ZFYVE28: variants seen among roughly 807,000 people sequenced by gnomAD.
The protein encoded by ZFYVE28 is lateral signaling target protein 2 homolog.
In ZFYVE28, 40 loss-of-function variants were observed where a neutral mutation model predicts 82.1. The ratio of observed to expected loss-of-function variants is 0.49; its 90% CI spans 0.38 to 0.63. The LOEUF is 0.63. Ranked by LOEUF, ZFYVE28 falls within the 30% of genes least tolerant of loss-of-function variation. The pLI is 0.00. For missense variants in ZFYVE28, 1,321 were observed against 1,242.1 expected, an observed-to-expected ratio of 1.06 and a Z score of -0.96; for synonymous variants, 612 against 546.1, an observed-to-expected ratio of 1.12 and a Z score of -1.68.
intron 4 of ZFYVE28, among the ~76,000 whole-genome samples, chr4:2,338,497 G>A (rs1309290373): frequency 1.3e-5 from 2 of 152,182 alleles, no homozygotes; most frequent in African/African-American, 4.8e-5. Flanking sequence ...GGAGGCCGAG[G>A]CAGGAGAATG....
At position 2,418,077 on chromosome 4, in the gene ZFYVE28, G is replaced by A. The variant is rs114900042; in HGVS notation, c.39+208C>T. On this transcript the variant is annotated intron_variant, in intron 1 of 12. Coordinates refer to ENST00000290974, the MANE Select transcript of ZFYVE28 (RefSeq NM_020972.3). This position sits in a 1 kb window ranked among gnomAD's most constrained non-coding sequence, Gnocchi z 4.6. ...GGGTCAGTCCTGGACCCGGGCTTAGGAAGCCGGGAGGGAGGTTCGGATCCG... is the reference window on the plus strand; with the variant it reads ...GGGTCAGTCCTGGACCCGGGCTTAGAAAGCCGGGAGGGAGGTTCGGATCCG... 1.1e-3 allele frequency among the ~76,000 whole-genome samples: 165 copies of A among 152,188 alleles called. 1 individual carries two copies. Among genetic ancestry groups the A allele is most frequent in the Admixed American group, 2.9e-3 (45 of 15,298 alleles).
rs372218217 is a variant in ZFYVE28 at position 2,304,670 on chromosome 4, G to A, written c.1670C>T (p.Thr557Ile). The A allele has an allele frequency of 6.2e-7, 1 of 1,612,628 alleles. No individual in the cohort carries two copies. Among genetic ancestry groups the A allele is most frequent in the Non-Finnish European group, 8.5e-7 (1 of 1,179,890 alleles). The change falls in exon 8 of 13, where the codon ACC becomes ATC. Residue 557 changes from threonine (T) to isoleucine (I), a missense_variant. This residue lies in a region of ZFYVE28 where 978 missense variants were observed against 833.7 expected (regional missense o/e 1.17). Transcript: ENST00000290974. ...GGPHKLSTGA[T>I]NCLLHSCVCC... ...CACGCAGGAATGCAGAAGGCAGTTG[G>A]TGGCCCCAGTGCTAAGCTTGTGGGG...
chr4:2,270,191 TGGTGAGG>T lies in ZFYVE28; in HGVS notation c.*527_*533del, dbSNP rs564237497. 62 of 158,634 alleles carry T rather than the reference TGGTGAGG, an allele frequency of 3.9e-4. No individual in the cohort carries two copies. The South Asian group carries it at 0.011, about 27-fold the overall frequency. The allele number at this position is 158,634 out of a possible 1,614,324, so 9.8% of individuals were successfully genotyped here. On this transcript the variant is annotated 3_prime_UTR_variant, in exon 13 of 13. Coordinates refer to ENST00000290974, the MANE Select transcript of ZFYVE28 (RefSeq NM_020972.3). Reference sequence around the variant, plus strand: ...TGTTTAGCCAAGTCCTGAGGAAGGATGGTGAGGGGTGAGGGGTGAGGGCTGGGGAACG... The same window carrying T: ...TGTTTAGCCAAGTCCTGAGGAAGGATGGTGAGGGGTGAGGGCTGGGGAACG...
At chr4:2,359,343 C>A (rs1191942967) in intron 1 of ZFYVE28, among the ~76,000 whole-genome samples, 2 of 152,096 alleles carry the variant, frequency 1.3e-5, no homozygotes, top group Non-Finnish European at 2.9e-5. Flanking sequence ...CCGGGCTGGT[C>A]TGGAACTCCT....
At chr4:2,296,704 G>T (rs1002620307) in intron 8 of ZFYVE28, among the ~76,000 whole-genome samples, 3 of 152,154 alleles carry the variant, frequency 2.0e-5, no homozygotes, top group African/African-American at 7.2e-5. Context: ...GAGCCTCCCA[G>T]TGAGGGGGAG....
chr4:2,283,900 AC>A (rs1228197273), intron 8 of ZFYVE28, among the ~76,000 whole-genome samples: 5 of 151,914 alleles, frequency 3.3e-5, no homozygotes, highest in Admixed American at 6.6e-5. Context: ...ACTGTAGGGA[AC>A]CCCCTGGTGA....
chr4:2,375,357 C>T (rs992921962), intron 1 of ZFYVE28, among the ~76,000 whole-genome samples: 2 of 152,172 alleles, frequency 1.3e-5, no homozygotes, highest in Non-Finnish European at 2.9e-5. Context: ...GGTCAATCAG[C>T]CGGGCCAGCA....
chr4:2,276,740 C>T (rs548957469), intron 8 of ZFYVE28, among the ~76,000 whole-genome samples: 1 of 151,792 alleles, frequency 6.6e-6, no homozygotes, highest in Admixed American at 6.6e-5. Context: ...GTCTCCGACA[C>T]GAGGTCCTGA....
chr4:2,364,806 G>A (rs528998382), intron 1 of ZFYVE28: 1 of 985,584 alleles, frequency 1.0e-6, no homozygotes, highest in African/African-American at 1.7e-5. Context: ...GCGGGTGACT[G>A]GGAATGGCGG....
In ZFYVE28 at chr4:2,270,474, A is replaced by AGGC. The variant is rs1448333497; in HGVS notation, c.*248_*250dup. 1 of 549,906 alleles carries AGGC rather than the reference A, an allele frequency of 1.8e-6. No individual in the cohort carries two copies. Among genetic ancestry groups the AGGC allele is most frequent in the Non-Finnish European group, 3.2e-6 (1 of 308,008 alleles). 34.1% of individuals were successfully genotyped at this position (549,906 alleles called of 1,614,324 possible). The stretch of plus-strand genomic sequence containing the variant: ...CTTCTCCGCCAGGCACCCTGCCCTG[A>AGGC]GGCAGCCACCAGGCTCCTCCGGGTC... On this transcript the variant is annotated 3_prime_UTR_variant, in exon 13 of 13. Coordinates refer to ENST00000290974, the MANE Select transcript of ZFYVE28 (RefSeq NM_020972.3).
At chr4:2,340,267 TC>T (rs776358430) in intron 3 of ZFYVE28, among the ~76,000 whole-genome samples, 2 of 152,152 alleles carry the variant, frequency 1.3e-5, no homozygotes, top group Non-Finnish European at 2.9e-5. Flanking sequence ...TAAGGAGGGC[TC>T]CTCCGCACCC....
intron 8 of ZFYVE28, among the ~76,000 whole-genome samples, chr4:2,298,732 C>A (rs1040792589): frequency 1.8e-4 from 27 of 152,208 alleles, no homozygotes; most frequent in African/African-American, 6.5e-4. Context: ...TGGCCTTGCC[C>A]CCGTGGGACG....
intron 1 of ZFYVE28, among the ~76,000 whole-genome samples, chr4:2,412,243 C>A (rs1732599499): frequency 1.3e-5 from 2 of 152,160 alleles, no homozygotes; most frequent in Admixed American, 6.5e-5. Flanking sequence ...GCTGGAGGAA[C>A]TGGAAGCTGT....
intron 1 of ZFYVE28, among the ~76,000 whole-genome samples, chr4:2,391,118 G>A (rs1371941413): frequency 2.0e-5 from 3 of 152,202 alleles, no homozygotes; most frequent in Non-Finnish European, 4.4e-5. Flanking sequence ...GACCGACAAG[G>A]GGCCGTGCCC....
rs188697053 is a variant in ZFYVE28 at position 2,352,312 on chromosome 4, G to A, written c.180+1621C>T. Among the ~76,000 whole-genome samples the A allele has an allele frequency of 2.7e-3, 408 of 152,052 alleles. 4 individuals carry two copies. The highest frequency in any genetic ancestry group is 6.4e-3 in the Admixed American group (98 of 15,288). On this transcript the variant is annotated intron_variant, in intron 2 of 12. Transcript: ENST00000290974. ...GGTGCTCAGCACAGACATGGAGCAG[G>A]ATGAGGCCGCCATGTCGGGGGGTGG... is the stretch of plus-strand genomic sequence containing the variant.
At chr4:2,317,283 C>T (rs1324013178) in intron 7 of ZFYVE28, among the ~76,000 whole-genome samples, 3 of 152,110 alleles carry the variant, frequency 2.0e-5, no homozygotes, top group Admixed American at 1.3e-4. Flanking sequence ...CCACTGTGCC[C>T]GGCCAACATT....
chr4:2,337,973 C>T (rs1012133884), intron 4 of ZFYVE28, among the ~76,000 whole-genome samples: 4 of 152,230 alleles, frequency 2.6e-5, no homozygotes, highest in African/African-American at 9.6e-5. Context: ...CTTGAAACCC[C>T]AGCCCTGCCC....
intron 6 of ZFYVE28, among the ~76,000 whole-genome samples, chr4:2,326,670 T>A (rs763652708): frequency 1.3e-5 from 2 of 152,248 alleles, no homozygotes; most frequent in African/African-American, 2.4e-5. Context: ...TTCCAATCCA[T>A]GAACATGGAA....
In ZFYVE28 at chr4:2,341,683, GA is replaced by G; in HGVS notation, c.181-69del. The stretch of plus-strand genomic sequence containing the variant: ...AGCTGGCGGCCGCCATGTACTGCTG[GA>G]AAACACGCACGGTGCATGTGACTGT... On this transcript the variant is annotated intron_variant, in intron 2 of 12. Coordinates refer to ENST00000290974, the MANE Select transcript of ZFYVE28 (RefSeq NM_020972.3). This position sits in a 1 kb window ranked among gnomAD's most constrained non-coding sequence, Gnocchi z 4.5. 2 of 1,570,652 alleles carry G rather than the reference GA, an allele frequency of 1.3e-6. No individual in the cohort carries two copies. The highest frequency in any genetic ancestry group is 1.7e-6 in the Non-Finnish European group (2 of 1,150,632).
Sources: allele counts gnomAD v4.1 joint callset (sites outside exome capture counted in the v4.1 genomes callset), GRCh38; gene constraint gnomAD v4.1.1; regional missense constraint gnomAD v4.1.1; non-coding constraint Gnocchi (gnomAD v3.1); transcripts MANE v1.5; gene names NCBI Gene and HGNC (gene_info 2026-07-23, HGNC 2026-07-21).